SLAMF6: variants seen among roughly 807,000 people sequenced by gnomAD.
SLAMF6 encodes the protein NK-T-B-antigen.
SLAMF6 carries 21 observed loss-of-function variants against 38.3 expected under a neutral mutation model. The observed-to-expected ratio is 0.55, with a 90% CI of 0.39 to 0.79. SLAMF6 has a LOEUF of 0.79. Among genes scored for constraint, SLAMF6 ranks in the 30% least tolerant of loss-of-function variants. The pLI, the probability that SLAMF6 is intolerant of heterozygous loss-of-function variation, is 0.00. For missense variants in SLAMF6, 341 were observed against 385.3 expected (o/e 0.89, Z 0.96); for synonymous variants, 152 against 146.3 (o/e 1.04, Z -0.28).
chr1:160,485,388 T>C lies in SLAMF6; in HGVS notation c.*1319A>G, dbSNP rs1652914847. Reference sequence around the variant, plus strand: ...TTTTAGAAAGAGTGGTCTGGGAAGGTTTCTCTTAGGAGGTGACATATTTAA... The same window carrying C: ...TTTTAGAAAGAGTGGTCTGGGAAGGCTTCTCTTAGGAGGTGACATATTTAA... On this transcript the variant is annotated 3_prime_UTR_variant, in exon 8 of 8. Transcript: ENST00000368057. The C allele has an allele frequency of 6.6e-6, 1 of 152,104 alleles. No individual in the cohort carries two copies. The allele number at this position is 152,104 out of a possible 1,614,324, so 9.4% of individuals were successfully genotyped here. A position where few individuals can be genotyped will look rare whatever the true frequency, so the allele number is the denominator to read the frequency against.
intron 1 of SLAMF6, among the ~76,000 whole-genome samples, chr1:160,518,049 C>T (rs1206336191): frequency 6.6e-6 from 1 of 151,808 alleles, no homozygotes; most frequent in Non-Finnish European, 1.5e-5. Flanking sequence ...ATTAGTTCCC[C>T]CAACAAATAT....
In SLAMF6 at chr1:160,489,082, A is replaced by T. The variant is rs765552663; in HGVS notation, c.879+6T>A. The T allele has an allele frequency of 1.2e-6, 2 of 1,610,622 alleles. No homozygotes were observed. Among genetic ancestry groups the T allele is most frequent in the Non-Finnish European group, 1.7e-6 (2 of 1,177,062 alleles). On this transcript the variant is annotated splice_donor_region_variant and intron_variant, in intron 6 of 7. Transcript: ENST00000368057. ...AACAATGGCATATAAAGCTGAAAAGACTCACCCTGTTTGAATGAGTGACTG... is the reference window on the plus strand; with the variant it reads ...AACAATGGCATATAAAGCTGAAAAGTCTCACCCTGTTTGAATGAGTGACTG...
intron 2 of SLAMF6, among the ~76,000 whole-genome samples, chr1:160,492,880 C>A (rs1182186902): frequency 6.6e-6 from 1 of 152,128 alleles, no homozygotes; most frequent in African/African-American, 2.4e-5. Flanking sequence ...CAAAATGTAA[C>A]CACTTCTCAC....
chr1:160,489,252 T>C, intron 5 of SLAMF6, 82 bp from the exon 6 acceptor site: 1 of 1,363,720 alleles, frequency 7.3e-7, no homozygotes, highest in South Asian at 1.2e-5. Flanking sequence ...CAGAGCACAC[T>C]GTGTCCCCAG....
At chr1:160,495,059 C>T (rs752159322) in intron 2 of SLAMF6, among the ~76,000 whole-genome samples, 17 of 152,266 alleles carry the variant, frequency 1.1e-4, no homozygotes, top group Middle Eastern at 3.4e-3. Context: ...TAATCTAACA[C>T]GATAAACCTA....
intron 1 of SLAMF6, among the ~76,000 whole-genome samples, chr1:160,496,996 AG>A (rs763102737): frequency 8.5e-5 from 13 of 152,134 alleles, no homozygotes; most frequent in Admixed American, 1.3e-4. Flanking sequence ...GCTACAGAAA[AG>A]TTAACTAATT....
intron 2 of SLAMF6, among the ~76,000 whole-genome samples, chr1:160,492,200 C>T (rs1258203266): frequency 1.3e-5 from 2 of 152,096 alleles, no homozygotes; most frequent in East Asian, 1.9e-4. Flanking sequence ...ACTGACTTAG[C>T]CTTGGCCTGA....
chr1:160,509,626 A>C (rs1275613500), intron 1 of SLAMF6, among the ~76,000 whole-genome samples: 1 of 152,238 alleles, frequency 6.6e-6, no homozygotes, highest in Non-Finnish European at 1.5e-5. Flanking sequence ...CACGATGTGC[A>C]CATGTACCCT....
chr1:160,518,435 T>C (rs558322247), intron 1 of SLAMF6, among the ~76,000 whole-genome samples: 10 of 152,280 alleles, frequency 6.6e-5, no homozygotes, highest in African/African-American at 2.4e-4. Flanking sequence ...TAAATCATTG[T>C]TATAAAGATA....
intron 1 of SLAMF6, among the ~76,000 whole-genome samples, chr1:160,500,359 TCCAGCCC>T (rs1653818216): frequency 6.6e-6 from 1 of 152,244 alleles, no homozygotes. Context: ...TTCACTTTGC[TCCAGCCC>T]CCTTGGCTAT....
chr1:160,508,260 A>G (rs1210497719), intron 1 of SLAMF6, among the ~76,000 whole-genome samples: 1 of 152,004 alleles, frequency 6.6e-6, no homozygotes, highest in Non-Finnish European at 1.5e-5. Flanking sequence ...TTCAAAATAT[A>G]CTACAAGGCT....
intron 1 of SLAMF6, among the ~76,000 whole-genome samples, chr1:160,507,858 T>C (rs1654269915): frequency 6.6e-6 from 1 of 151,898 alleles, no homozygotes; most frequent in Admixed American, 6.6e-5. Flanking sequence ...AAAACAAAGC[T>C]TACCAAAACA....
intron 1 of SLAMF6, among the ~76,000 whole-genome samples, chr1:160,498,550 G>A (rs955088852): frequency 6.6e-6 from 1 of 152,110 alleles, no homozygotes; most frequent in Non-Finnish European, 1.5e-5. Context: ...CAGAACTCAT[G>A]AGACTTATTC....
chr1:160,489,551 A>G (rs1185216239), intron 5 of SLAMF6, among the ~76,000 whole-genome samples: 1 of 152,206 alleles, frequency 6.6e-6, no homozygotes, highest in Non-Finnish European at 1.5e-5. Flanking sequence ...TAAGCTTTTC[A>G]GAGGTCTCTA....
intron 1 of SLAMF6, among the ~76,000 whole-genome samples, chr1:160,509,926 A>G (rs773976777): frequency 4.6e-5 from 7 of 152,176 alleles, no homozygotes; most frequent in Non-Finnish European, 1.0e-4. Context: ...AGACATTACT[A>G]CAGATCTTAT....
chr1:160,491,017 G>T, intron 3 of SLAMF6, 108 bp downstream of exon 3: 1 of 1,401,292 alleles, frequency 7.1e-7, no homozygotes, highest in Non-Finnish European at 9.8e-7. Flanking sequence ...CCTCCCAGCA[G>T]CATTTTCTGC....
chr1:160,489,137 A>T lies in SLAMF6; in HGVS notation c.830T>A (p.Val277Glu), dbSNP rs1653129930. The change falls in exon 6 of 8, where the codon GTG becomes GAG. Residue 277 changes from valine (V) to glutamate (E), a missense_variant. Coordinates refer to ENST00000368057, the MANE Select transcript of SLAMF6 (RefSeq NM_001184714.2). ...ESARNLEYVSVSPTNNTVYAS... is the reference protein window; with the variant it reads ...ESARNLEYVSESPTNNTVYAS... ...ATACACAGTGTTGTTCGTTGGAGACACTGAAACATACTCTAGGTTCCTTGC... is the reference window on the plus strand; with the variant it reads ...ATACACAGTGTTGTTCGTTGGAGACTCTGAAACATACTCTAGGTTCCTTGC... The T allele has an allele frequency of 6.2e-7, 1 of 1,613,822 alleles. No individual in the cohort carries two copies. Among genetic ancestry groups the T allele is most frequent in the Non-Finnish European group, 8.5e-7 (1 of 1,179,864 alleles).
chr1:160,512,470 C>G (rs773471600), intron 1 of SLAMF6, among the ~76,000 whole-genome samples: 1 of 151,522 alleles, frequency 6.6e-6, no homozygotes, highest in Non-Finnish European at 1.5e-5. Context: ...TAAGTAGGAT[C>G]CCCCCCACCA....
intron 1 of SLAMF6, among the ~76,000 whole-genome samples, chr1:160,500,720 ACAGCACCTGGCAC>A (rs1360686942): frequency 6.6e-6 from 1 of 152,180 alleles, no homozygotes; most frequent in African/African-American, 2.4e-5. Flanking sequence ...ACATTCTTGA[ACAGCACCTGGCAC>A]ATAGTAAGCA....
Sources: allele counts gnomAD v4.1 joint callset (sites outside exome capture counted in the v4.1 genomes callset), GRCh38; gene constraint gnomAD v4.1.1; transcripts MANE v1.5; gene names NCBI Gene and HGNC (gene_info 2026-07-23, HGNC 2026-07-21).